Variants in CNTNAP2 observed in about 807,000 individuals in gnomAD.
CNTNAP2 encodes the protein contactin associated protein 2.
Under a neutral mutation model 155.2 loss-of-function variants are expected in CNTNAP2, and 98 were observed. The observed-to-expected ratio is 0.63, with a 90% CI of 0.54 to 0.75. The LOEUF (loss-of-function observed/expected upper bound fraction) is 0.75. CNTNAP2 is among the 30% of genes least tolerant of loss of function. The pLI is 0.00. For missense variants in CNTNAP2, 1,727 were observed against 1,688.1 expected, an observed-to-expected ratio of 1.02 and a Z score of -0.40; for synonymous variants, 651 against 631.2, an observed-to-expected ratio of 1.03 and a Z score of -0.47.
At chr7:147,976,815 G>C (rs928750155) in intron 14 of CNTNAP2, among the ~76,000 whole-genome samples, 1 of 151,584 alleles carries the variant, frequency 6.6e-6, no homozygotes, top group Admixed American at 6.6e-5. Flanking sequence ...TCATTGAACT[G>C]TCTGTCTCAT....
At chr7:147,159,987 A>G (rs1026145454) in intron 8 of CNTNAP2, among the ~76,000 whole-genome samples, 2 of 152,070 alleles carry the variant, frequency 1.3e-5, no homozygotes, top group South Asian at 2.1e-4. Flanking sequence ...AAATTATCCA[A>G]TGGTTTTGGT....
In CNTNAP2 at chr7:147,830,573, G is replaced by C. The variant is rs1037986493; in HGVS notation, c.2099-72992G>C. Among the ~76,000 whole-genome samples the C allele has an allele frequency of 5.9e-5, 9 of 152,142 alleles. 1 individual carries two copies. The highest frequency in any genetic ancestry group is 8.8e-5 in the Non-Finnish European group (6 of 68,026). On this transcript the variant is annotated intron_variant, in intron 13 of 23. Transcript: ENST00000361727. ...AGAAGGGAAAATCATTTCAGCCCAA[G>C]TATTCGCCCTGCTTTAACTTTGGAG...
At chr7:146,985,484 A>T (rs1563032592) in intron 3 of CNTNAP2, among the ~76,000 whole-genome samples, 1 of 150,326 alleles carries the variant, frequency 6.7e-6, no homozygotes, top group Non-Finnish European at 1.5e-5. Flanking sequence ...TGCCCGGCTA[A>T]TTTTTTTTTG....
At chr7:147,261,492 A>G (rs1349856397) in intron 8 of CNTNAP2, among the ~76,000 whole-genome samples, 2 of 151,926 alleles carry the variant, frequency 1.3e-5, no homozygotes, top group East Asian at 1.9e-4. Flanking sequence ...TGGTACCAAT[A>G]TTTGGAAGCT....
At chr7:148,239,698 A>G (rs558544762) in intron 20 of CNTNAP2, among the ~76,000 whole-genome samples, 2 of 152,342 alleles carry the variant, frequency 1.3e-5, no homozygotes, top group South Asian at 2.1e-4. Flanking sequence ...CAAGATGCCC[A>G]ACTACCAGAG....
intron 9 of CNTNAP2, among the ~76,000 whole-genome samples, chr7:147,350,504 A>G (rs150817439): frequency 3.9e-4 from 60 of 151,996 alleles, no homozygotes; most frequent in African/African-American, 1.4e-3. Context: ...TCAATAAGGC[A>G]AAATCCTATG....
intron 3 of CNTNAP2, among the ~76,000 whole-genome samples, chr7:147,037,361 T>C (rs1160182971): frequency 6.6e-6 from 1 of 151,888 alleles, no homozygotes; most frequent in Non-Finnish European, 1.5e-5. Context: ...AGTTGACAAT[T>C]TGATTCTCAA....
At chr7:146,988,504 T>C (rs1798154755) in intron 3 of CNTNAP2, among the ~76,000 whole-genome samples, 1 of 152,174 alleles carries the variant, frequency 6.6e-6, no homozygotes, top group Non-Finnish European at 1.5e-5. Flanking sequence ...TTAAACTTTG[T>C]ATTTGGTATG....
At chr7:146,625,180 T>G (rs1324618609) in intron 1 of CNTNAP2, among the ~76,000 whole-genome samples, 1 of 151,926 alleles carries the variant, frequency 6.6e-6, no homozygotes, top group Non-Finnish European at 1.5e-5. Flanking sequence ...TTGACACATA[T>G]GGTCAGAGAG....
At chr7:146,857,345 T>C (rs923942307) in intron 3 of CNTNAP2, among the ~76,000 whole-genome samples, 1 of 152,214 alleles carries the variant, frequency 6.6e-6, no homozygotes, top group East Asian at 1.9e-4. Flanking sequence ...TGAAATTATT[T>C]CAAAAGAAAA....
rs78909781 is a variant in CNTNAP2, at chr7:148,366,377, G to T, written c.3476-17272G>T. 6.3e-3 allele frequency among the ~76,000 whole-genome samples: 955 copies of T among 151,884 alleles called. 12 individuals carry two copies. Among genetic ancestry groups the T allele is most frequent in the African/African-American group, 0.022 (901 of 41,278 alleles). On this transcript the variant is annotated intron_variant, in intron 21 of 23. Coordinates refer to ENST00000361727, the MANE Select transcript of CNTNAP2 (RefSeq NM_014141.6). ...TTAGCAATATTGATTAAATTATGTAGTCCTTGAAGGTAGAAACTCTTTTTC... is the reference window on the plus strand; with the variant it reads ...TTAGCAATATTGATTAAATTATGTATTCCTTGAAGGTAGAAACTCTTTTTC...
chr7:147,625,155 C>A (rs1339613790), intron 12 of CNTNAP2, among the ~76,000 whole-genome samples: 2 of 151,896 alleles, frequency 1.3e-5, no homozygotes, highest in Non-Finnish European at 2.9e-5. Flanking sequence ...TTAATAAGTA[C>A]AAAAAATAGA....
intron 3 of CNTNAP2, among the ~76,000 whole-genome samples, chr7:146,881,177 C>G (rs988675227): frequency 2.0e-5 from 3 of 152,068 alleles, no homozygotes; most frequent in Non-Finnish European, 4.4e-5. Context: ...ATTCCACACA[C>G]GTTACTCTAG....
intron 16 of CNTNAP2, among the ~76,000 whole-genome samples, chr7:148,146,314 G>C (rs1222246049): frequency 6.6e-5 from 10 of 152,236 alleles, no homozygotes; most frequent in Non-Finnish European, 1.5e-5. Context: ...CAGCCTAAGG[G>C]AGCTGAAGAC....
intron 4 of CNTNAP2, among the ~76,000 whole-genome samples, chr7:147,078,790 C>T (rs1436173640): frequency 6.6e-6 from 1 of 151,750 alleles, no homozygotes; most frequent in Non-Finnish European, 1.5e-5. Context: ...CACTGTGTCC[C>T]CCAGGCTGGA....
At chr7:146,914,857 T>G (rs1353772489) in intron 3 of CNTNAP2, among the ~76,000 whole-genome samples, 1 of 151,892 alleles carries the variant, frequency 6.6e-6, no homozygotes, top group African/African-American at 2.4e-5. Flanking sequence ...TTTTTTTGCA[T>G]TTTCTTTTGG....
At chr7:147,514,730 A>G (rs1799087163) in intron 11 of CNTNAP2, among the ~76,000 whole-genome samples, 1 of 152,002 alleles carries the variant, frequency 6.6e-6, no homozygotes, top group African/African-American at 2.4e-5. Flanking sequence ...CATCCTACCC[A>G]TTGCTGAGGC....
intron 8 of CNTNAP2, among the ~76,000 whole-genome samples, chr7:147,202,884 T>G (rs1408182357): frequency 1.3e-5 from 2 of 151,342 alleles, no homozygotes; most frequent in African/African-American, 4.8e-5. Context: ...AGTCAATCTT[T>G]CAAGGAATAG....
At chr7:147,942,566 G>A (rs1800744790) in intron 14 of CNTNAP2, among the ~76,000 whole-genome samples, 1 of 152,078 alleles carries the variant, frequency 6.6e-6, no homozygotes, top group Non-Finnish European at 1.5e-5. Flanking sequence ...AGTATCTCGT[G>A]CAGCAGTGAA....
Sources: allele counts gnomAD v4.1 joint callset (sites outside exome capture counted in the v4.1 genomes callset), GRCh38; gene constraint gnomAD v4.1.1; transcripts MANE v1.5; gene names NCBI Gene and HGNC (gene_info 2026-07-23, HGNC 2026-07-21).